Variants in GALNTL6 observed in about 807,000 individuals in gnomAD.
GALNTL6 encodes the protein polypeptide N-acetylgalactosaminyltransferase-like 6.
In GALNTL6, 46 loss-of-function variants were observed where a neutral mutation model predicts 73.7. The observed-to-expected ratio is 0.62, with a 90% confidence interval of 0.49 to 0.80. The LOEUF is 0.80. GALNTL6 is among the 30% of genes least tolerant of loss of function. The pLI is 0.00. For missense variants in GALNTL6, 604 were observed against 755.0 expected, an observed-to-expected ratio of 0.80 and a Z score of 2.34; for synonymous variants, 259 against 263.7, an observed-to-expected ratio of 0.98 and a Z score of 0.17.
At chr4:172,004,806 G>A (rs1435574886) in intron 2 of GALNTL6, among the ~76,000 whole-genome samples, 4 of 151,348 alleles carry the variant, frequency 2.6e-5, no homozygotes, top group African/African-American at 9.7e-5. Flanking sequence ...GTCTCCTTTA[G>A]GAATCACTCT....
chr4:172,338,295 T>A (rs1207793857), intron 4 of GALNTL6, among the ~76,000 whole-genome samples: 1 of 152,130 alleles, frequency 6.6e-6, no homozygotes, highest in African/African-American at 2.4e-5. Context: ...TGCTAGAGAG[T>A]GAGCGTGATC....
chr4:172,919,686 A>C (rs1747702435), intron 8 of GALNTL6, among the ~76,000 whole-genome samples: 1 of 152,220 alleles, frequency 6.6e-6, no homozygotes, highest in Non-Finnish European at 1.5e-5. Context: ...CAATAAACTC[A>C]AATTCTGGAG....
At chr4:172,251,964 T>A (rs1737897360) in intron 3 of GALNTL6, among the ~76,000 whole-genome samples, 1 of 152,010 alleles carries the variant, frequency 6.6e-6, no homozygotes, top group African/African-American at 2.4e-5. Flanking sequence ...TTATAGCAAG[T>A]ATAGAAGCAG....
chr4:171,924,183 T>TACACACACAC lies in GALNTL6; in HGVS notation c.138+109487_138+109496dup, dbSNP rs371649848. ...GGTTAAAAAAAATACACCACACACA[T>TACACACACAC]ACACACACACACACACACACACACA... On this transcript the variant is annotated intron_variant, in intron 2 of 12. Coordinates refer to ENST00000506823, the MANE Select transcript of GALNTL6 (RefSeq NM_001034845.3). Among the ~76,000 whole-genome samples, 9 of 142,456 alleles carry TACACACACAC rather than the reference T, an allele frequency of 6.3e-5. No homozygotes were observed. The East Asian group carries it at 6.4e-4, about 10-fold the overall frequency. The allele number at this position is 142,456 out of a possible 152,430, so 93.5% of individuals were successfully genotyped here.
intron 4 of GALNTL6, among the ~76,000 whole-genome samples, chr4:172,348,126 G>T (rs1741813914): frequency 6.6e-6 from 1 of 152,118 alleles, no homozygotes; most frequent in Non-Finnish European, 1.5e-5. Flanking sequence ...AAATATTACA[G>T]AAGTTAAATT....
At chr4:172,606,629 A>ATAGTGT (rs1553964452) in intron 5 of GALNTL6, among the ~76,000 whole-genome samples, 11 of 46,954 alleles carry the variant, frequency 2.3e-4, no homozygotes, top group South Asian at 9.6e-4. Context: ...GTATATATAT[A>ATAGTGT]CTATATATAT....
At position 172,512,159 on chromosome 4, in the gene GALNTL6, T is replaced by G. The variant is rs1380963398; in HGVS notation, c.553+163470T>G. ...TATAGTTAGAATTGTGATATTTTCT[T>G]GTTGGACTAGATCTTTTATCATTAT... is the stretch of plus-strand genomic sequence containing the variant. On this transcript the variant is annotated intron_variant, in intron 5 of 12. Transcript: ENST00000506823. Among the ~76,000 whole-genome samples, 36 of 55,174 alleles carry G rather than the reference T, an allele frequency of 6.5e-4. 15 individuals are homozygous for G. The highest frequency in any genetic ancestry group is 1.6e-3 in the African/African-American group (36 of 22,152). The allele number at this position is 55,174 out of a possible 152,430, so 36.2% of individuals were successfully genotyped here.
chr4:172,222,834 A>G (rs1168714402), intron 2 of GALNTL6, among the ~76,000 whole-genome samples: 3 of 152,024 alleles, frequency 2.0e-5, no homozygotes, highest in Admixed American at 6.6e-5. Context: ...CCAATAAGAG[A>G]CAATGCCATC....
intron 2 of GALNTL6, among the ~76,000 whole-genome samples, chr4:171,999,875 G>A (rs1031662977): frequency 6.6e-6 from 1 of 152,106 alleles, no homozygotes; most frequent in Non-Finnish European, 1.5e-5. Context: ...TGTCTTCATA[G>A]ATCTCCAATT....
At chr4:172,517,043 G>A (rs993130207) in intron 5 of GALNTL6, among the ~76,000 whole-genome samples, 1 of 151,992 alleles carries the variant, frequency 6.6e-6, no homozygotes, top group Non-Finnish European at 1.5e-5. Context: ...AGGAAATGAA[G>A]GGTTGATATT....
chr4:172,450,880 G>A (rs1315424506), intron 5 of GALNTL6, among the ~76,000 whole-genome samples: 1 of 152,180 alleles, frequency 6.6e-6, no homozygotes, highest in East Asian at 1.9e-4. Flanking sequence ...ATTCTCTCAT[G>A]TTAACCTATT....
intron 5 of GALNTL6, among the ~76,000 whole-genome samples, chr4:172,463,759 AG>A (rs1732699331): frequency 6.6e-6 from 1 of 152,220 alleles, no homozygotes; most frequent in Non-Finnish European, 1.5e-5. Flanking sequence ...AAATTAGAAA[AG>A]GCTTTTCTGA....
At chr4:172,059,963 C>T (rs1421057811) in intron 2 of GALNTL6, among the ~76,000 whole-genome samples, 1 of 152,076 alleles carries the variant, frequency 6.6e-6, no homozygotes, top group East Asian at 1.9e-4. Flanking sequence ...GAAGGAGAGG[C>T]CTCAAAAGAA....
At chr4:172,772,483 C>T (rs1738828503) in intron 5 of GALNTL6, among the ~76,000 whole-genome samples, 1 of 152,112 alleles carries the variant, frequency 6.6e-6, no homozygotes, top group Admixed American at 6.5e-5. Flanking sequence ...TATTCCCTAA[C>T]ATTATAGGAT....
At chr4:171,995,478 A>G (rs533221869) in intron 2 of GALNTL6, among the ~76,000 whole-genome samples, 2 of 152,138 alleles carry the variant, frequency 1.3e-5, no homozygotes, top group South Asian at 4.1e-4. Flanking sequence ...AAATTAACGT[A>G]TCTCCATAAT....
At chr4:172,165,759 A>C (rs1338264913) in intron 2 of GALNTL6, among the ~76,000 whole-genome samples, 2 of 152,192 alleles carry the variant, frequency 1.3e-5, no homozygotes, top group Admixed American at 1.3e-4. Context: ...CATTTTTTGA[A>C]TCTCTTATGA....
At chr4:172,928,365 C>G (rs1748167134) in intron 8 of GALNTL6, among the ~76,000 whole-genome samples, 1 of 152,126 alleles carries the variant, frequency 6.6e-6, no homozygotes. Flanking sequence ...CTGCCATTTT[C>G]CCACCTTCAT....
intron 8 of GALNTL6, among the ~76,000 whole-genome samples, chr4:172,920,782 G>A (rs1747750670): frequency 1.3e-5 from 2 of 152,256 alleles, no homozygotes; most frequent in East Asian, 1.9e-4. Flanking sequence ...CAGTTGTCTG[G>A]AATTAACCTG....
intron 2 of GALNTL6, among the ~76,000 whole-genome samples, chr4:172,050,350 G>A (rs112102305): frequency 3.3e-5 from 5 of 152,210 alleles, no homozygotes; most frequent in African/African-American, 1.2e-4. Flanking sequence ...GAAGTTACAG[G>A]CAAAATCATA....
Sources: allele counts gnomAD v4.1 joint callset (sites outside exome capture counted in the v4.1 genomes callset), GRCh38; gene constraint gnomAD v4.1.1; transcripts MANE v1.5; gene names NCBI Gene and HGNC (gene_info 2026-07-23, HGNC 2026-07-21).